EXOC2: variants seen among roughly 807,000 people sequenced by gnomAD.
The protein encoded by EXOC2 is exocyst complex component 2, also known as SEC5-like 1.
EXOC2 carries 70 observed loss-of-function variants against 131.8 expected under a neutral mutation model. The ratio of observed to expected loss-of-function variants is 0.53; its 90% CI spans 0.44 to 0.65. The LOEUF is 0.65. Among genes scored for constraint, EXOC2 ranks in the 30% least tolerant of loss-of-function variants. EXOC2 has a pLI of 0.00. For missense variants in EXOC2, 923 were observed against 1,108.6 expected, an observed-to-expected ratio of 0.83 and a Z score of 2.38; for synonymous variants, 411 against 398.4, an observed-to-expected ratio of 1.03 and a Z score of -0.38.
chr6:598,344 T>C (rs1338690962), intron 9 of EXOC2, among the ~76,000 whole-genome samples: 1 of 152,236 alleles, frequency 6.6e-6, no homozygotes, highest in African/African-American at 2.4e-5. Context: ...TTTCACTGCA[T>C]GTATATTTTA....
At chr6:634,563 T>G (rs1762009856) in intron 2 of EXOC2, among the ~76,000 whole-genome samples, 1 of 152,216 alleles carries the variant, frequency 6.6e-6, no homozygotes, top group Admixed American at 6.5e-5. Flanking sequence ...CTTAAAGAAC[T>G]ATTTAGTAAG....
intron 1 of EXOC2, among the ~76,000 whole-genome samples, chr6:666,376 A>ACCATAGTCATGTAAGCC (rs144263117): frequency 1.9e-5 from 2 of 103,286 alleles, no homozygotes; most frequent in African/African-American, 5.8e-5. Flanking sequence ...AAAATTGAGC[A>ACCATAGTCATGTAAGCC]AATGATTCAA....
chr6:632,905 C>G (rs375943155), intron 3 of EXOC2, 36 bp downstream of exon 3: 26 of 1,560,042 alleles, frequency 1.7e-5, no homozygotes, highest in Non-Finnish European at 2.2e-5. Flanking sequence ...CTCATTTTTA[C>G]TTTCTTCTTT....
chr6:591,935 G>A (rs1008854436), intron 11 of EXOC2, among the ~76,000 whole-genome samples: 1 of 152,150 alleles, frequency 6.6e-6, no homozygotes, highest in Non-Finnish European at 1.5e-5. Context: ...TTCTAATACG[G>A]AGGCTTCTCT....
At chr6:507,187 ACCCCCC>A (rs36153435) in intron 23 of EXOC2, among the ~76,000 whole-genome samples, 3 of 15,110 alleles carry the variant, frequency 2.0e-4, no homozygotes, top group Non-Finnish European at 5.1e-4. Flanking sequence ...CACAGCAGTG[ACCCCCC>A]CCACACACAC....
intron 1 of EXOC2, among the ~76,000 whole-genome samples, chr6:659,417 C>T (rs1192373120): frequency 6.6e-6 from 1 of 152,140 alleles, no homozygotes; most frequent in Non-Finnish European, 1.5e-5. Context: ...GAGCAGCATG[C>T]GAAGGCTCGC....
intron 22 of EXOC2, among the ~76,000 whole-genome samples, chr6:535,625 A>T (rs1766395349): frequency 6.6e-6 from 1 of 152,214 alleles, no homozygotes; most frequent in Non-Finnish European, 1.5e-5. Context: ...TGGCACAAGT[A>T]GTCCTATATT....
At chr6:503,757 T>A (rs1764363366) in intron 23 of EXOC2, among the ~76,000 whole-genome samples, 1 of 152,126 alleles carries the variant, frequency 6.6e-6, no homozygotes, top group Admixed American at 6.5e-5. Context: ...ACCGGTAAGA[T>A]CTCTGTGGTC....
In EXOC2 at chr6:549,277, C is replaced by T. The variant is rs778487632; in HGVS notation, c.2136G>A (p.Leu712=). ...DFSLTSEQRL[L]IVLSNCCYLE... ...GATAGCAGCAATTACTTAGGACTATCAAAAGGCGCTGTTCCTAAAAGCAAA... is the reference window on the plus strand; with the variant it reads ...GATAGCAGCAATTACTTAGGACTATTAAAAGGCGCTGTTCCTAAAAGCAAA... Residue 712 remains leucine, a synonymous_variant, in exon 22 of 28, where the codon TTG becomes TTA. Transcript: ENST00000230449. The T allele has an allele frequency of 1.1e-5, 18 of 1,613,584 alleles. No individual in the cohort carries two copies. In the Admixed American group the frequency reaches 2.3e-4, roughly 21 times the overall value.
chr6:503,828 C>A (rs550421315), intron 23 of EXOC2, among the ~76,000 whole-genome samples: 1 of 152,258 alleles, frequency 6.6e-6, no homozygotes, highest in Non-Finnish European at 1.5e-5. Flanking sequence ...GGGTACTGGC[C>A]TAGGGAGAGA....
At chr6:626,880 A>C (rs1180406522) in intron 4 of EXOC2, among the ~76,000 whole-genome samples, 1 of 152,220 alleles carries the variant, frequency 6.6e-6, no homozygotes, top group Non-Finnish European at 1.5e-5. Context: ...GGCGTGAGCC[A>C]CCACGCCCGG....
intron 1 of EXOC2, among the ~76,000 whole-genome samples, chr6:660,478 C>T (rs184692366): frequency 5.9e-4 from 90 of 152,300 alleles, no homozygotes; most frequent in African/African-American, 2.1e-3. Flanking sequence ...CATCACAGGA[C>T]TCTGTGCAGG....
chr6:558,415 C>T (rs1757532595), intron 17 of EXOC2, among the ~76,000 whole-genome samples: 1 of 152,208 alleles, frequency 6.6e-6, no homozygotes, highest in African/African-American at 2.4e-5. Context: ...CCTTACTCAT[C>T]TAACCTACCC....
At chr6:525,175 A>G (rs1765677133) in intron 23 of EXOC2, 1 of 152,216 alleles carries the variant, frequency 6.6e-6, no homozygotes, top group South Asian at 2.1e-4. Context: ...ATTCTGTGGT[A>G]GTTCTAATTA....
chr6:571,350 T>G (rs1003509737), intron 13 of EXOC2, among the ~76,000 whole-genome samples: 1 of 152,266 alleles, frequency 6.6e-6, no homozygotes, highest in Non-Finnish European at 1.5e-5. Flanking sequence ...TACACATTTC[T>G]GTTTTTATGC....
intron 11 of EXOC2, among the ~76,000 whole-genome samples, chr6:582,087 A>G (rs1443126058): frequency 6.6e-6 from 1 of 152,180 alleles, no homozygotes; most frequent in Admixed American, 6.5e-5. Flanking sequence ...AAAATTTATC[A>G]TTTTTCTAAA....
At chr6:592,325 C>CA in intron 11 of EXOC2, 144 bp downstream of exon 11, 5 of 693,854 alleles carry the variant, frequency 7.2e-6, no homozygotes, top group Middle Eastern at 4.1e-4. Flanking sequence ...AACCAGTGGC[C>CA]AAAAAAACCA....
chr6:681,011 C>A (rs1375523184), intron 1 of EXOC2, among the ~76,000 whole-genome samples: 1 of 152,152 alleles, frequency 6.6e-6, no homozygotes, highest in Non-Finnish European at 1.5e-5. Context: ...CCATAAGAAG[C>A]TATAAGATGC....
At chr6:536,343 C>T (rs573818226) in intron 22 of EXOC2, among the ~76,000 whole-genome samples, 5 of 151,866 alleles carry the variant, frequency 3.3e-5, no homozygotes, top group Admixed American at 6.6e-5. Flanking sequence ...TAATAGACAT[C>T]GAAGGATTAT....
Sources: gnomAD v4.1 joint callset for allele counts (sites outside exome capture counted in the v4.1 genomes callset) on GRCh38, gnomAD v4.1.1 for gene constraint, MANE v1.5 for transcripts, NCBI Gene and HGNC (gene_info 2026-07-23, HGNC 2026-07-21) for gene names.